SSH2: variants seen among roughly 807,000 people sequenced by gnomAD.
SSH2 encodes slingshot protein phosphatase 2, also known as protein phosphatase Slingshot homolog 2.
SSH2 carries 37 observed loss-of-function variants against 135.2 expected under a neutral mutation model. That is an observed-to-expected ratio of 0.27 (90% CI 0.21 to 0.36). SSH2 has a LOEUF of 0.36. Among genes scored for constraint, SSH2 ranks in the 10% least tolerant of loss-of-function variants. The pLI, the probability that SSH2 is intolerant of heterozygous loss-of-function variation, is 1.00. For synonymous variants in SSH2, 628 were observed against 646.2 expected, an observed-to-expected ratio of 0.97 and a Z score of 0.43; for missense variants, 1,408 against 1,765.3, an observed-to-expected ratio of 0.80 and a Z score of 3.63.
Position 29,636,080 on chromosome 17 carries a change from G to A in SSH2, c.2150C>T (p.Ser717Leu). The A allele has an allele frequency of 6.2e-7, 1 of 1,614,190 alleles. No individual in the cohort carries two copies. The highest frequency in any genetic ancestry group is 8.5e-7 in the Non-Finnish European group (1 of 1,180,028). Residue 717 changes from serine (S) to leucine (L), a missense_variant, in exon 15 of 16, where the codon TCA becomes TTA. Coordinates refer to ENST00000540801, the MANE Select transcript of SSH2 (RefSeq NM_001282129.2). ...GGGRNESCRL[S>L]VVEVAPSKVT... ...TTTGGAAGGGGCTACTTCTACCACTGACAGTCGACAGCTCTCATTCCTTCC... is the reference window on the plus strand; with the variant it reads ...TTTGGAAGGGGCTACTTCTACCACTAACAGTCGACAGCTCTCATTCCTTCC...
At chr17:29,892,702 T>A (rs1008530490) in intron 1 of SSH2, among the ~76,000 whole-genome samples, 1 of 152,046 alleles carries the variant, frequency 6.6e-6, no homozygotes, top group African/African-American at 2.4e-5. Context: ...GAAAAGAAGT[T>A]CCTAAGGGCA....
At chr17:29,690,436 A>T (rs189006557) in intron 5 of SSH2, among the ~76,000 whole-genome samples, 3 of 151,176 alleles carry the variant, frequency 2.0e-5, no homozygotes, top group Admixed American at 1.3e-4. Context: ...TAATTTCTTT[A>T]CACCAAGAGT....
At chr17:29,788,491 G>C (rs2042007812) in intron 3 of SSH2, among the ~76,000 whole-genome samples, 1 of 151,874 alleles carries the variant, frequency 6.6e-6, no homozygotes, top group South Asian at 2.1e-4. Context: ...AGTTCTCCTG[G>C]GTTTCCAGCC....
chr17:29,700,453 G>A lies in SSH2; in HGVS notation c.292+2506C>T, dbSNP rs118110207. 2.5e-3 allele frequency among the ~76,000 whole-genome samples: 373 copies of A among 152,176 alleles called. 2 individuals carry two copies. The highest frequency in any genetic ancestry group is 6.8e-3 in the Middle Eastern group (2 of 292). On this transcript the variant is annotated intron_variant, in intron 4 of 15. Transcript: ENST00000540801. ...TTCTTTTAAAACCTCATCATCACAGGTGTTCCTGATTTTAGAGAAATCCAA... is the reference window on the plus strand; with the variant it reads ...TTCTTTTAAAACCTCATCATCACAGATGTTCCTGATTTTAGAGAAATCCAA...
rs1218441426 is a variant in SSH2 at position 29,896,790 on chromosome 17, T to C, written c.63+33148A>G. Among the ~76,000 whole-genome samples the C allele has an allele frequency of 2.6e-5, 4 of 151,808 alleles. No homozygotes were observed. In the East Asian group the frequency reaches 7.7e-4, roughly 29 times the overall value. On this transcript the variant is annotated intron_variant, in intron 1 of 15. Coordinates refer to ENST00000540801, the MANE Select transcript of SSH2 (RefSeq NM_001282129.2). ...CAAAATACAAGCAATTCATCCACTATGCTTAGGTAAAATTATCAACTCCAG... is the reference window on the plus strand; with the variant it reads ...CAAAATACAAGCAATTCATCCACTACGCTTAGGTAAAATTATCAACTCCAG...
chr17:29,834,527 C>CT (rs1227805384), intron 2 of SSH2, among the ~76,000 whole-genome samples: 3 of 151,974 alleles, frequency 2.0e-5, no homozygotes, highest in Admixed American at 6.5e-5. Context: ...TGTTGAAAGT[C>CT]TTTTTCCCAA....
intron 2 of SSH2, among the ~76,000 whole-genome samples, chr17:29,810,532 A>G (rs1407311317): frequency 6.6e-6 from 1 of 152,262 alleles, no homozygotes; most frequent in Non-Finnish European, 1.5e-5. Flanking sequence ...GGTTGAAGAT[A>G]GAGCTATCTA....
chr17:29,705,871 CTGTTT>C (rs368745343), intron 3 of SSH2, among the ~76,000 whole-genome samples: 160 of 152,236 alleles, frequency 1.1e-3, no homozygotes, highest in Non-Finnish European at 1.9e-3. Flanking sequence ...TCCTGTTGTT[CTGTTT>C]TGTTTCCTTC....
chr17:29,734,596 TCTC>T (rs555115040), intron 3 of SSH2, among the ~76,000 whole-genome samples: 277 of 152,326 alleles, frequency 1.8e-3, no homozygotes, highest in Non-Finnish European at 3.3e-3. Context: ...AGTTAGAAAC[TCTC>T]CTATTGCCTC....
intron 2 of SSH2, among the ~76,000 whole-genome samples, chr17:29,835,852 C>T (rs191675138): frequency 2.8e-4 from 42 of 151,216 alleles, no homozygotes; most frequent in African/African-American, 9.7e-4. Flanking sequence ...TGGTGGTGGG[C>T]GACTGTAGTC....
At chr17:29,744,825 G>A (rs922217856) in intron 3 of SSH2, among the ~76,000 whole-genome samples, 1 of 151,658 alleles carries the variant, frequency 6.6e-6, no homozygotes, top group African/African-American at 2.4e-5. Flanking sequence ...GCACCTGGAG[G>A]AAGAAGAGAA....
chr17:29,703,196 AAG>A (rs2039058905), intron 3 of SSH2, 134 bp from the exon 4 acceptor site: 1 of 648,234 alleles, frequency 1.5e-6, no homozygotes, highest in South Asian at 1.7e-5. Context: ...AAACATAATC[AAG>A]AGAGGCTGTG....
At chr17:29,861,751 G>A (rs2065769327) in intron 1 of SSH2, among the ~76,000 whole-genome samples, 2 of 151,968 alleles carry the variant, frequency 1.3e-5, no homozygotes, top group African/African-American at 4.8e-5. Context: ...TAGAGATGAG[G>A]TTTCACTATG....
At chr17:29,679,380 T>C (rs1354220097) in intron 6 of SSH2, among the ~76,000 whole-genome samples, 1 of 151,978 alleles carries the variant, frequency 6.6e-6, no homozygotes, top group Non-Finnish European at 1.5e-5. Flanking sequence ...GCACTAACTG[T>C]ATAATCTTTT....
At chr17:29,792,963 C>T (rs374939768) in intron 3 of SSH2, among the ~76,000 whole-genome samples, 2 of 152,148 alleles carry the variant, frequency 1.3e-5, no homozygotes, top group Admixed American at 6.5e-5. Flanking sequence ...CGTGAGCCAC[C>T]GCGCCCGGCC....
chr17:29,901,305 CT>C (rs2066549527), intron 1 of SSH2, among the ~76,000 whole-genome samples: 2 of 151,960 alleles, frequency 1.3e-5, no homozygotes, highest in South Asian at 4.1e-4. Flanking sequence ...TGTTTTCTCT[CT>C]CAGTAAGATG....
intron 3 of SSH2, among the ~76,000 whole-genome samples, chr17:29,788,825 G>A (rs1567975331): frequency 6.6e-6 from 1 of 152,164 alleles, no homozygotes; most frequent in Non-Finnish European, 1.5e-5. Context: ...AGCCAAGATT[G>A]CCATGAAGGG....
At chr17:29,857,296 AG>A (rs2065679873) in intron 1 of SSH2, among the ~76,000 whole-genome samples, 1 of 152,230 alleles carries the variant, frequency 6.6e-6, no homozygotes, top group Non-Finnish European at 1.5e-5. Flanking sequence ...GGATGGCAGC[AG>A]GTAAAGAGAG....
chr17:29,854,948 A>AAAAC (rs547196424), intron 1 of SSH2, among the ~76,000 whole-genome samples: 90 of 152,206 alleles, frequency 5.9e-4, no homozygotes, highest in Middle Eastern at 6.8e-3. Flanking sequence ...CTCCATCTAA[A>AAAAC]AAACAAACAA....
Sources: allele counts gnomAD v4.1 joint callset (sites outside exome capture counted in the v4.1 genomes callset), GRCh38; gene constraint gnomAD v4.1.1; transcripts MANE v1.5; gene names NCBI Gene and HGNC (gene_info 2026-07-23, HGNC 2026-07-21).